The following LARP1 variants were observed in gnomAD, a reference collection of about 807,000 sequenced individuals.
LARP1 encodes La ribonucleoprotein 1, translational regulator.
A neutral mutation model predicts 122.7 loss-of-function variants in LARP1; 36 were observed. That is an observed-to-expected ratio of 0.29 (90% CI 0.22 to 0.39). The LOEUF (loss-of-function observed/expected upper bound fraction) is 0.39. Ranked by LOEUF, LARP1 falls within the 10% of genes least tolerant of loss-of-function variation. LARP1 has a pLI of 1.00. For missense variants in LARP1, 1,040 were observed against 1,403.6 expected (o/e 0.74, Z 4.14); for synonymous variants, 539 against 528.7 (o/e 1.02, Z -0.27).
At chr5:154,708,133 G>A (rs1216405607), upstream of LARP1, among the ~76,000 whole-genome samples, 1 of 152,186 alleles carries the variant, frequency 6.6e-6, no homozygotes, top group African/African-American at 2.4e-5. Flanking sequence ...TGAAAGCTGA[G>A]ATAGGTGATC....
At chr5:154,722,932 C>T (rs948193771) in intron 1 of LARP1, among the ~76,000 whole-genome samples, 4 of 152,162 alleles carry the variant, frequency 2.6e-5, no homozygotes, top group Admixed American at 6.5e-5. Flanking sequence ...CCACCCACCT[C>T]GGCCTCCCAG....
At position 154,816,194 on chromosome 5, in the gene LARP1, A is replaced by T. The variant is rs1260897215; in HGVS notation, c.*2098A>T. On this transcript the variant is annotated 3_prime_UTR_variant, in exon 19 of 19. Coordinates refer to ENST00000518297, the MANE Select transcript of LARP1 (RefSeq NM_033551.3). ...GTCTCTGCTATGATGGTGGTATCCG[A>T]GGCCTTTCCCTGCCCAGTCTGGTGC... is the stretch of plus-strand genomic sequence containing the variant. 6.5e-6 allele frequency: 1 copy of T among 152,810 alleles called. No homozygotes were observed. The highest frequency in any genetic ancestry group is 1.9e-4 in the East Asian group (1 of 5,196). The allele number at this position is 152,810 out of a possible 1,614,324, so 9.5% of individuals were successfully genotyped here.
chr5:154,741,227 C>T (rs1406438256), intron 1 of LARP1, among the ~76,000 whole-genome samples: 2 of 152,212 alleles, frequency 1.3e-5, no homozygotes, highest in South Asian at 2.1e-4. Flanking sequence ...GCAGTCAGAA[C>T]GCCAAGGGCT....
intron 1 of LARP1, among the ~76,000 whole-genome samples, chr5:154,747,305 CAAA>C (rs1159076798): frequency 1.5e-4 from 11 of 74,544 alleles, no homozygotes; most frequent in Non-Finnish European, 1.6e-4. Flanking sequence ...GACTCTGTCC[CAAA>C]AAAAAAAAAA....
At position 154,738,588 on chromosome 5, in the gene LARP1, T is replaced by C. The variant is rs1197782018; in HGVS notation, c.205+25458T>C. Among the ~76,000 whole-genome samples the C allele has an allele frequency of 2.0e-5, 3 of 151,814 alleles. No individual in the cohort carries two copies. The East Asian group carries it at 5.8e-4, about 29-fold the overall frequency. ...GACTGGGGGACAGAGCGAGACTCCG[T>C]CTCAAAAAAAAAAAGAAGAAACAGC... On this transcript the variant is annotated intron_variant, in intron 1 of 18. Transcript: ENST00000336314.
chr5:154,786,891 T>G lies in LARP1; in HGVS notation c.437-3434T>G, dbSNP rs370148004. ...TTCTATGATTGTTTTCTTTTTTTTTTTTTTGGGATGGAATTTTGCTCTTGT... is the reference window on the plus strand; with the variant it reads ...TTCTATGATTGTTTTCTTTTTTTTTGTTTTGGGATGGAATTTTGCTCTTGT... On this transcript the variant is annotated intron_variant, in intron 1 of 18. Transcript: ENST00000518297. Among the ~76,000 whole-genome samples, 51 of 152,166 alleles carry G rather than the reference T, an allele frequency of 3.4e-4. No individual in the cohort carries two copies. The East Asian group carries it at 8.9e-3, about 26-fold the overall frequency.
At chr5:154,764,313 A>T (rs1290603031) in intron 1 of LARP1, among the ~76,000 whole-genome samples, 2 of 150,964 alleles carry the variant, frequency 1.3e-5, no homozygotes, top group Non-Finnish European at 3.0e-5. Flanking sequence ...TCATCTCAAA[A>T]AAAAAAAAAA....
In LARP1 at chr5:154,817,002, T is replaced by G. The variant is rs1161986096; in HGVS notation, c.*2906T>G. On this transcript the variant is annotated 3_prime_UTR_variant, in exon 19 of 19. Transcript: ENST00000518297. ...TCAAAGTTGTTAAATGTTTTTGTTT[T>G]GTTCCATTGTAGCTCTTTTTTTTTT... 6.6e-6 allele frequency: 1 copy of G among 151,684 alleles called. No individual in the cohort carries two copies. The highest frequency in any genetic ancestry group is 1.9e-4 in the East Asian group (1 of 5,186). The allele number at this position is 151,684 out of a possible 1,614,324, so 9.4% of individuals were successfully genotyped here.
chr5:154,793,591 C>T lies in LARP1; in HGVS notation c.740-4C>T, dbSNP rs1183655237. ...CTTTCTCATGTACCCATGCTGTCTCCCAGGAAACAAACACAAGTGGGTTCC... is the reference window on the plus strand; with the variant it reads ...CTTTCTCATGTACCCATGCTGTCTCTCAGGAAACAAACACAAGTGGGTTCC... On this transcript the variant is annotated splice_polypyrimidine_tract_variant and splice_region_variant and intron_variant, in intron 4 of 18. Transcript: ENST00000518297. The T allele has an allele frequency of 6.2e-7, 1 of 1,614,122 alleles. No homozygotes were observed. Among genetic ancestry groups the T allele is most frequent in the South Asian group, 1.1e-5 (1 of 91,072 alleles).
At chr5:154,765,763 T>C (rs757206755) in intron 1 of LARP1, among the ~76,000 whole-genome samples, 1 of 152,216 alleles carries the variant, frequency 6.6e-6, no homozygotes, top group Non-Finnish European at 1.5e-5. Context: ...GTATTCCCAG[T>C]ACCTGCAGCA....
At chr5:154,754,143 C>T (rs895100511), upstream of LARP1, among the ~76,000 whole-genome samples, 1 of 151,654 alleles carries the variant, frequency 6.6e-6, no homozygotes, top group Admixed American at 6.6e-5. Context: ...CCCATCTAGT[C>T]TAACTGATTA....
At chr5:154,766,735 T>G (rs549902580) in intron 1 of LARP1, among the ~76,000 whole-genome samples, 1 of 152,210 alleles carries the variant, frequency 6.6e-6, no homozygotes, top group African/African-American at 2.4e-5. Flanking sequence ...ACAGCTATGC[T>G]GAGAACAGTG....
At chr5:154,707,326 T>C (rs1366055833) in intron 1 of LARP1, among the ~76,000 whole-genome samples, 1 of 152,226 alleles carries the variant, frequency 6.6e-6, no homozygotes. Context: ...TTCAACCCCT[T>C]GCAGTTATTT....
chr5:154,773,123 C>T (rs568064073), intron 1 of LARP1, among the ~76,000 whole-genome samples: 1 of 151,538 alleles, frequency 6.6e-6, no homozygotes, highest in East Asian at 1.9e-4. Context: ...AGTTTTTGTA[C>T]TGGAAGGGCT....
chr5:154,739,665 C>G (rs901299607), intron 1 of LARP1, among the ~76,000 whole-genome samples: 1 of 152,084 alleles, frequency 6.6e-6, no homozygotes, highest in Admixed American at 6.6e-5. Flanking sequence ...TCTCAAAATG[C>G]TGGAATTACA....
intron 1 of LARP1, among the ~76,000 whole-genome samples, chr5:154,732,875 T>C (rs1181013917): frequency 2.0e-5 from 3 of 152,190 alleles, no homozygotes; most frequent in Non-Finnish European, 4.4e-5. Flanking sequence ...TTGAGATAAA[T>C]TATATCATTA....
chr5:154,685,516 A>G (rs946543069), intron 1 of LARP1, among the ~76,000 whole-genome samples: 2 of 152,126 alleles, frequency 1.3e-5, no homozygotes, highest in Non-Finnish European at 2.9e-5. Flanking sequence ...TCAGAAGTCT[A>G]AGGGTTTAGC....
intron 1 of LARP1, among the ~76,000 whole-genome samples, chr5:154,684,739 T>C (rs1452794978): frequency 6.6e-6 from 1 of 152,140 alleles, no homozygotes; most frequent in Admixed American, 6.5e-5. Context: ...CCTCCATTTT[T>C]TCATCTGTTC....
At chr5:154,745,776 C>G (rs1413150574) in intron 1 of LARP1, among the ~76,000 whole-genome samples, 1 of 151,522 alleles carries the variant, frequency 6.6e-6, no homozygotes, top group African/African-American at 2.4e-5. Flanking sequence ...GTGGGCAAAG[C>G]TGGGCCTAAA....
Sources: allele counts gnomAD v4.1 joint callset (sites outside exome capture counted in the v4.1 genomes callset), GRCh38; gene constraint gnomAD v4.1.1; transcripts MANE v1.5; gene names NCBI Gene and HGNC (gene_info 2026-07-23, HGNC 2026-07-21).